The following SVEP1 variants were observed in gnomAD, a reference collection of about 807,000 sequenced individuals.
SVEP1 encodes the protein sushi, von Willebrand factor type A, EGF and pentraxin domain containing 1.
SVEP1 carries 164 observed loss-of-function variants against 367.3 expected under a neutral mutation model. The observed-to-expected ratio is 0.45, with a 90% CI of 0.39 to 0.51. SVEP1 has a LOEUF of 0.51. Among genes scored for constraint, SVEP1 ranks in the 20% least tolerant of loss-of-function variants. The pLI, the probability that SVEP1 is intolerant of heterozygous loss-of-function variation, is 0.00. For synonymous variants in SVEP1, 1,666 were observed against 1,611.6 expected, an observed-to-expected ratio of 1.03 and a Z score of -0.81; for missense variants, 4,117 against 4,425.3, an observed-to-expected ratio of 0.93 and a Z score of 1.98.
chr9:110,438,177 A>ATTTTTT (rs10593866), intron 27 of SVEP1, among the ~76,000 whole-genome samples: 2 of 75,538 alleles, frequency 2.6e-5, no homozygotes, highest in African/African-American at 5.1e-5. Context: ...TAGTTATGCT[A>ATTTTTT]TTTTTTTTTT....
chr9:110,511,367 A>G (rs1829708428), intron 5 of SVEP1, among the ~76,000 whole-genome samples: 1 of 151,588 alleles, frequency 6.6e-6, no homozygotes, highest in South Asian at 2.1e-4. Context: ...TTCTCATGTT[A>G]CTTTATTCTT....
intron 30 of SVEP1, among the ~76,000 whole-genome samples, chr9:110,432,900 T>G (rs1225344519): frequency 6.6e-6 from 1 of 152,180 alleles, no homozygotes; most frequent in Non-Finnish European, 1.5e-5. Context: ...CCTGCCCAAA[T>G]CTCATGTTGA....
intron 1 of SVEP1, among the ~76,000 whole-genome samples, chr9:110,556,784 T>C (rs2991366): frequency 0.59 from 89,597 of 151,942 alleles, 27,086 homozygotes; most frequent in East Asian, 0.86. Context: ...CCACCACACT[T>C]GGCCATAACG....
intron 14 of SVEP1, among the ~76,000 whole-genome samples, chr9:110,474,594 G>A (rs1317910569): frequency 6.6e-6 from 1 of 152,128 alleles, no homozygotes; most frequent in East Asian, 1.9e-4. Context: ...CTCTCTAGGT[G>A]TAACCTTGTG....
chr9:110,570,614 G>T (rs1160646478), intron 1 of SVEP1, among the ~76,000 whole-genome samples: 2 of 152,000 alleles, frequency 1.3e-5, no homozygotes, highest in African/African-American at 4.8e-5. Flanking sequence ...CCAAGTAGCT[G>T]GGATTACAGG....
chr9:110,417,240 CG>C (rs1180672425), intron 36 of SVEP1, among the ~76,000 whole-genome samples: 4 of 143,872 alleles, frequency 2.8e-5, no homozygotes. Context: ...AGACGGTGGG[CG>C]CAGGCCAGTG....
chr9:110,411,826 A>T (rs1828049298), intron 36 of SVEP1, 91 bp from the exon 37 acceptor site: 1 of 1,167,812 alleles, frequency 8.6e-7, no homozygotes, highest in Admixed American at 3.2e-5. Flanking sequence ...TCTTTCCCAC[A>T]ATGACTTTAA....
Position 110,406,799 on chromosome 9 carries a change from T to C in SVEP1, c.8801A>G (p.Asp2934Gly), listed in dbSNP as rs1443317317. 5 of 1,613,912 alleles carry C rather than the reference T, an allele frequency of 3.1e-6. No individual in the cohort carries two copies. Among genetic ancestry groups the C allele is most frequent in the Non-Finnish European group, 4.2e-6 (5 of 1,179,900 alleles). ...AGGAATCTCTGCATCCCAGTTGCCA[T>C]CTGACTGACAGGTGAGTTTTGGAGC... ...HGAPKLTCQS[D>G]GNWDAEIPLC... The change falls in exon 38 of 48, where the codon GAT becomes GGT. Residue 2934 changes from aspartate (D) to glycine (G), a missense_variant. By Grantham distance (94) the Asp-to-Gly change is moderately conservative. This residue lies in a region of SVEP1 where 1,765 missense variants were observed against 1,781.1 expected (regional missense o/e 0.99). Transcript: ENST00000374469.
intron 5 of SVEP1, among the ~76,000 whole-genome samples, chr9:110,511,281 C>T (rs1484982820): frequency 6.6e-6 from 1 of 152,088 alleles, no homozygotes; most frequent in Non-Finnish European, 1.5e-5. Flanking sequence ...ATCTTTAGAT[C>T]TTCTACTGGT....
In SVEP1 at chr9:110,513,961, G is replaced by C; in HGVS notation, c.1110C>G (p.Gly370=). ...CVCREGYRAS[G]QTCELVHCPA... is the part of the protein sequence containing the mutation. ...TGGGAGACTCACGTTCACAGGTCTG[G>C]CCAGATGCCCTGTATCCCTCTCTGC... Residue 370 remains glycine, a synonymous_variant, in exon 4 of 48, where the codon GGC becomes GGG. Transcript: ENST00000374469. The C allele has an allele frequency of 3.1e-6, 5 of 1,612,902 alleles. No homozygotes were observed. Among genetic ancestry groups the C allele is most frequent in the Non-Finnish European group, 4.2e-6 (5 of 1,179,452 alleles).
chr9:110,492,144 A>AT (rs1829375367), intron 8 of SVEP1, among the ~76,000 whole-genome samples: 1 of 152,172 alleles, frequency 6.6e-6, no homozygotes, highest in African/African-American at 2.4e-5. Flanking sequence ...GAAAGAATGG[A>AT]TTTTGAACCT....
chr9:110,568,339 T>C (rs778085447), intron 1 of SVEP1, among the ~76,000 whole-genome samples: 2 of 152,236 alleles, frequency 1.3e-5, no homozygotes, highest in Non-Finnish European at 2.9e-5. Context: ...GAGTTTTATA[T>C]ACTCATGGTA....
At chr9:110,474,683 T>C (rs1389340353) in intron 14 of SVEP1, among the ~76,000 whole-genome samples, 2 of 152,230 alleles carry the variant, frequency 1.3e-5, no homozygotes, top group African/African-American at 2.4e-5. Context: ...ATTCTAGATA[T>C]GTTACTGACA....
chr9:110,425,309 T>C (rs118037016), intron 36 of SVEP1, among the ~76,000 whole-genome samples: 2,030 of 152,308 alleles, frequency 0.013, 18 homozygotes, highest in Middle Eastern at 0.02. Context: ...CTAATAATGA[T>C]ACAGAAAACA....
intron 46 of SVEP1, among the ~76,000 whole-genome samples, chr9:110,371,783 TC>T (rs1383126727): frequency 1.3e-5 from 2 of 152,216 alleles, no homozygotes; most frequent in African/African-American, 2.4e-5. Flanking sequence ...TCTTTAACTG[TC>T]TCTCAAATCT....
intron 10 of SVEP1, 128 bp downstream of exon 10, chr9:110,483,458 T>C: frequency 2.0e-6 from 1 of 500,552 alleles, no homozygotes; most frequent in South Asian, 4.1e-5. Context: ...ACATGTTAAC[T>C]TATATAATTA....
At chr9:110,379,902 T>C (rs1827408655) in intron 43 of SVEP1, among the ~76,000 whole-genome samples, 1 of 152,186 alleles carries the variant, frequency 6.6e-6, no homozygotes, top group African/African-American at 2.4e-5. Context: ...AGAGTAAAGA[T>C]CATTAATTGT....
At chr9:110,487,385 G>C (rs954490180) in intron 9 of SVEP1, among the ~76,000 whole-genome samples, 1 of 152,188 alleles carries the variant, frequency 6.6e-6, no homozygotes, top group African/African-American at 2.4e-5. Context: ...ACATTTCCAA[G>C]TCTAAAATCA....
Position 110,406,428 on chromosome 9 carries a change from G to C in SVEP1, c.9172C>G (p.His3058Asp), listed in dbSNP as rs1827955306. 4 of 1,613,936 alleles carry C rather than the reference G, an allele frequency of 2.5e-6. No individual in the cohort carries two copies. Among genetic ancestry groups the C allele is most frequent in the African/African-American group, 1.3e-5 (1 of 74,942 alleles). ...ADGQWSSGFP[H>D]CEHTSCGSLP... is the part of the protein sequence containing the mutation. Reference sequence around the variant, plus strand: ...GAACCACAAGAAGTGTGTTCACAGTGGGGGAACCCAGAGCTCCACTGGCCA... The same window carrying C: ...GAACCACAAGAAGTGTGTTCACAGTCGGGGAACCCAGAGCTCCACTGGCCA... The change falls in exon 38 of 48, where the codon CAC becomes GAC. Residue 3058 changes from histidine to aspartate, a missense_variant. Physicochemically the swap from His to Asp is moderately conservative, Grantham distance 81. Transcript: ENST00000374469.
Sources: gnomAD v4.1 joint callset for allele counts (sites outside exome capture counted in the v4.1 genomes callset) on GRCh38, gnomAD v4.1.1 for gene constraint, gnomAD v4.1.1 regional missense constraint, MANE v1.5 for transcripts, NCBI Gene and HGNC (gene_info 2026-07-23, HGNC 2026-07-21) for gene names.